The following DMD variants were observed in gnomAD, a reference collection of about 807,000 sequenced individuals.
DMD encodes mutant dystrophin.
A neutral mutation model predicts 330.1 loss-of-function variants in DMD; 63 were observed. The ratio of observed to expected loss-of-function variants is 0.19; its 90% CI spans 0.16 to 0.24. The LOEUF is 0.24. Ranked by LOEUF, DMD falls within the 10% of genes least tolerant of loss-of-function variation. The pLI, the probability that DMD is intolerant of heterozygous loss-of-function variation, is 1.00. For missense variants in DMD, 3,344 were observed against 2,684.1 expected, an observed-to-expected ratio of 1.25 and a Z score of -5.43; for synonymous variants, 1,223 against 959.8, an observed-to-expected ratio of 1.27 and a Z score of -5.07.
intron 42 of DMD, among the ~76,000 whole-genome samples, chrX:32,297,271 A>ATTAT (rs1034057722): frequency 0.012 from 1,111 of 89,772 alleles, 14 homozygotes; most frequent in African/African-American, 0.048. Flanking sequence ...TTATTTATTT[A>ATTAT]TTATTTATTT....
intron 9 of DMD, among the ~76,000 whole-genome samples, chrX:32,667,228 T>C (rs910378463): frequency 1.5e-4 from 17 of 111,632 alleles, no homozygotes; most frequent in African/African-American, 5.5e-4. Context: ...TGACTTTCAG[T>C]TTATTTAACA....
intron 26 of DMD, 68 bp downstream of exon 26, chrX:32,454,594 T>C: frequency 1.1e-6 from 1 of 901,242 alleles, no homozygotes; most frequent in Non-Finnish European, 1.6e-6. Context: ...ACTTCAAGCA[T>C]TGTTGCATTT....
intron 2 of DMD, among the ~76,000 whole-genome samples, chrX:33,014,707 G>A (rs1417934128): frequency 9.0e-6 from 1 of 110,816 alleles, no homozygotes; most frequent in Non-Finnish European, 1.9e-5. Context: ...TCATGGAAAA[G>A]AATAGAAGTA....
At position 32,697,852 on chromosome X, in the gene DMD, G is replaced by C. The variant is rs1443506393; in HGVS notation, c.960+18C>G. 2 of 1,210,327 alleles carry C rather than the reference G, an allele frequency of 1.7e-6. No homozygotes were observed. Among genetic ancestry groups the C allele is most frequent in the East Asian group, 3.0e-5 (1 of 33,753 alleles). On this transcript the variant is annotated intron_variant, in intron 9 of 78. Transcript: ENST00000357033. Reference sequence around the variant, plus strand: ...GCAGTTCTCTGGTTTGTACAACAGAGAGTAAATGTTGACAGACCTGTGAAG... The same window carrying C: ...GCAGTTCTCTGGTTTGTACAACAGACAGTAAATGTTGACAGACCTGTGAAG...
chrX:32,806,325 AT>A (rs1286147171), intron 7 of DMD, among the ~76,000 whole-genome samples: 2 of 110,080 alleles, frequency 1.8e-5, no homozygotes. Flanking sequence ...ACTAACAAAG[AT>A]TTAAAAAAAA....
At chrX:33,207,547 T>C (rs1404214886) in intron 1 of DMD, among the ~76,000 whole-genome samples, 2 of 111,357 alleles carry the variant, frequency 1.8e-5, no homozygotes, top group Admixed American at 9.6e-5. Context: ...TAGAGGGAGC[T>C]TGAAATTTTG....
intron 52 of DMD, among the ~76,000 whole-genome samples, chrX:31,704,906 T>C (rs1256675597): frequency 1.8e-5 from 2 of 112,542 alleles, no homozygotes; most frequent in East Asian, 5.6e-4. Flanking sequence ...AAACATTCTG[T>C]AAGTAAATTA....
At chrX:32,500,154 G>GT (rs1232164965) in intron 19 of DMD, among the ~76,000 whole-genome samples, 1 of 110,509 alleles carries the variant, frequency 9.0e-6, no homozygotes, top group Non-Finnish European at 1.9e-5. Context: ...GTGTTCCCTG[G>GT]TATCTGCCAA....
intron 7 of DMD, among the ~76,000 whole-genome samples, chrX:32,727,748 T>C (rs1331399616): frequency 1.8e-5 from 2 of 110,179 alleles, no homozygotes; most frequent in Non-Finnish European, 3.8e-5. Context: ...TATACATGTA[T>C]ATACATACAC....
intron 41 of DMD, among the ~76,000 whole-genome samples, chrX:32,321,660 A>AAACAAC (rs754457523): frequency 1.8e-5 from 2 of 111,670 alleles, no homozygotes; most frequent in African/African-American, 6.5e-5. Flanking sequence ...CATCAGATCA[A>AAACAAC]AACAACAACA....
intron 41 of DMD, among the ~76,000 whole-genome samples, chrX:32,340,508 G>A (rs1400618127): frequency 9.0e-6 from 1 of 111,292 alleles, no homozygotes; most frequent in Non-Finnish European, 1.9e-5. Flanking sequence ...AGTGGTTTAT[G>A]GAGATTTTTG....
intron 1 of DMD, among the ~76,000 whole-genome samples, chrX:33,033,819 T>C (rs959637992): frequency 8.9e-6 from 1 of 111,769 alleles, no homozygotes; most frequent in African/African-American, 3.2e-5. Context: ...GATTTAGACA[T>C]TGTAGAAAAA....
intron 2 of DMD, among the ~76,000 whole-genome samples, chrX:32,952,009 C>G (rs1312705721): frequency 1.8e-5 from 2 of 111,555 alleles, no homozygotes; most frequent in Non-Finnish European, 3.8e-5. Flanking sequence ...AAACATTTTC[C>G]TGAGCCACTT....
At chrX:31,239,740 C>T (rs1450880662) in intron 63 of DMD, among the ~76,000 whole-genome samples, 1 of 111,947 alleles carries the variant, frequency 8.9e-6, no homozygotes, top group Non-Finnish European at 1.9e-5. Context: ...GTTTCTAGAC[C>T]TTGGCATCTT....
intron 63 of DMD, among the ~76,000 whole-genome samples, chrX:31,245,381 G>A (rs2048733683): frequency 1.8e-5 from 2 of 111,562 alleles, no homozygotes; most frequent in South Asian, 7.6e-4. Flanking sequence ...TTGCTCTACT[G>A]TGCTTCATTC....
intron 43 of DMD, among the ~76,000 whole-genome samples, chrX:32,274,406 A>C (rs994406274): frequency 8.9e-6 from 1 of 112,120 alleles, no homozygotes; most frequent in Non-Finnish European, 1.9e-5. Flanking sequence ...GAAAGTTTTA[A>C]ACTAACCTCT....
chrX:32,932,811 A>C (rs1450830934), intron 2 of DMD, among the ~76,000 whole-genome samples: 1 of 112,121 alleles, frequency 8.9e-6, no homozygotes, highest in East Asian at 2.8e-4. Flanking sequence ...GATCCCAGAA[A>C]AGAAGTTTCT....
At chrX:31,856,389 G>A (rs1270759730) in intron 48 of DMD, among the ~76,000 whole-genome samples, 1 of 111,995 alleles carries the variant, frequency 8.9e-6, no homozygotes, top group African/African-American at 3.2e-5. Context: ...CATTAGTGAA[G>A]AGCTGGAACA....
intron 1 of DMD, among the ~76,000 whole-genome samples, chrX:33,220,062 A>C (rs1206140682): frequency 8.9e-6 from 1 of 111,738 alleles, no homozygotes; most frequent in Non-Finnish European, 1.9e-5. Flanking sequence ...AAGGGCAGTC[A>C]CTACCAGGAC....
Sources: gnomAD v4.1 joint callset for allele counts (sites outside exome capture counted in the v4.1 genomes callset) on GRCh38, gnomAD v4.1.1 for gene constraint, MANE v1.5 for transcripts, NCBI Gene and HGNC (gene_info 2026-07-23, HGNC 2026-07-21) for gene names.